Variants in MAF observed in about 807,000 individuals in gnomAD.
MAF encodes the protein transcription factor Maf.
In MAF, 10 loss-of-function variants were observed where a neutral mutation model predicts 22.0. That is an observed-to-expected ratio of 0.45 (90% CI 0.28 to 0.77). MAF has a LOEUF of 0.77. Among genes scored for constraint, MAF ranks in the 30% least tolerant of loss-of-function variants. MAF has a pLI of 0.12. For synonymous variants in MAF, 337 were observed against 255.8 expected, an observed-to-expected ratio of 1.32 and a Z score of -3.03; for missense variants, 544 against 548.4, an observed-to-expected ratio of 0.99 and a Z score of 0.08.
the MAF span, among the ~76,000 whole-genome samples, chr16:79,343,434 A>C: frequency 2.0e-5 from 3 of 152,212 alleles, no homozygotes; most frequent in South Asian, 6.2e-4. Context: ...ATTGAAACCC[A>C]CATCTGTGCA....
chr16:79,548,165 G>A, the MAF span, among the ~76,000 whole-genome samples: 1 of 151,900 alleles, frequency 6.6e-6, no homozygotes, highest in African/African-American at 2.4e-5. Flanking sequence ...TTGATTTATT[G>A]GTCAATTTCT....
At chr16:79,376,081 G>C in the MAF span, among the ~76,000 whole-genome samples, 1 of 150,468 alleles carries the variant, frequency 6.6e-6, no homozygotes, top group Non-Finnish European at 1.5e-5. Context: ...GAACAGTGAA[G>C]CAACAATTAT....
chr16:79,350,143 A>AT, the MAF span, among the ~76,000 whole-genome samples: 5 of 152,120 alleles, frequency 3.3e-5, no homozygotes, highest in Non-Finnish European at 7.4e-5. Context: ...TGTACAGATG[A>AT]TTTTTCATAT....
chr16:79,480,223 C>T, the MAF span, among the ~76,000 whole-genome samples: 22 of 152,050 alleles, frequency 1.4e-4, no homozygotes, highest in Non-Finnish European at 1.6e-4. Context: ...CCATGGCACA[C>T]GGAAAGGACT....
At chr16:79,227,498 C>T in the MAF span, among the ~76,000 whole-genome samples, 2 of 152,008 alleles carry the variant, frequency 1.3e-5, no homozygotes, top group African/African-American at 4.8e-5. Context: ...TGACATTCTG[C>T]CATGGTCGAG....
the MAF span, among the ~76,000 whole-genome samples, chr16:79,283,106 G>C: frequency 6.6e-6 from 1 of 152,162 alleles, no homozygotes; most frequent in Non-Finnish European, 1.5e-5. Context: ...TGTATCTCTG[G>C]TAACTGCAAC....
chr16:79,540,346 T>G, the MAF span, among the ~76,000 whole-genome samples: 6 of 151,992 alleles, frequency 3.9e-5, no homozygotes, highest in African/African-American at 1.5e-4. Flanking sequence ...CTGAAGTCCC[T>G]GCGCTCTGGT....
the MAF span, among the ~76,000 whole-genome samples, chr16:79,363,736 T>C: frequency 6.6e-6 from 1 of 152,034 alleles, no homozygotes; most frequent in South Asian, 2.1e-4. Flanking sequence ...GTGAATGGGG[T>C]CACTGGGGCA....
At chr16:79,388,491 A>G in the MAF span, among the ~76,000 whole-genome samples, 7 of 152,124 alleles carry the variant, frequency 4.6e-5, no homozygotes, top group Non-Finnish European at 1.0e-4. Context: ...ATTCTTTGCT[A>G]TTTTCTTTCT....
the MAF span, among the ~76,000 whole-genome samples, chr16:79,374,152 C>A: frequency 6.6e-6 from 1 of 152,202 alleles, no homozygotes; most frequent in African/African-American, 2.4e-5. Flanking sequence ...GACCCAAAGG[C>A]AATCCCGGTT....
At chr16:79,447,891 C>CAAAAAAAAAAAAAAAAAAAA in the MAF span, among the ~76,000 whole-genome samples, 11 of 72,550 alleles carry the variant, frequency 1.5e-4, no homozygotes, top group African/African-American at 4.6e-4. Context: ...GATTCCATCT[C>CAAAAAAAAAAAAAAAAAAAA]AAAAAAAAAA....
the MAF span, among the ~76,000 whole-genome samples, chr16:79,214,948 G>A: frequency 6.6e-6 from 1 of 151,758 alleles, no homozygotes; most frequent in East Asian, 1.9e-4. Context: ...GACCTCAGGT[G>A]ATCCACCCAC....
the MAF span, among the ~76,000 whole-genome samples, chr16:79,512,792 C>T: frequency 1.3e-5 from 2 of 152,134 alleles, no homozygotes; most frequent in Non-Finnish European, 2.9e-5. Flanking sequence ...TTCACTCTTC[C>T]AAGGGTTAAG....
At chr16:79,206,554 C>G in the MAF span, 2 of 152,170 alleles carry the variant, frequency 1.3e-5, no homozygotes, top group Non-Finnish European at 2.9e-5. Context: ...CAAATCGTAA[C>G]CTCTCAATAA....
chr16:79,460,654 C>A, the MAF span, among the ~76,000 whole-genome samples: 1 of 152,164 alleles, frequency 6.6e-6, no homozygotes. Flanking sequence ...CATTTAGAAT[C>A]TTGATTGAAG....
chr16:79,359,555 G>A, the MAF span, among the ~76,000 whole-genome samples: 1 of 152,210 alleles, frequency 6.6e-6, no homozygotes. Context: ...GAGGGACAAA[G>A]CCAGCCCCAA....
chr16:79,408,867 T>C, the MAF span, among the ~76,000 whole-genome samples: 1 of 152,120 alleles, frequency 6.6e-6, no homozygotes, highest in Non-Finnish European at 1.5e-5. Context: ...TGGGGGGTCA[T>C]ATAAGAAGCA....
the MAF span, among the ~76,000 whole-genome samples, chr16:79,364,288 C>T: frequency 6.6e-6 from 1 of 152,112 alleles, no homozygotes; most frequent in African/African-American, 2.4e-5. Flanking sequence ...TAGGGAAGGA[C>T]CAGTGACACA....
chr16:79,547,081 T>C, the MAF span, among the ~76,000 whole-genome samples: 1 of 152,150 alleles, frequency 6.6e-6, no homozygotes, highest in Non-Finnish European at 1.5e-5. Flanking sequence ...GAAAAGTTCC[T>C]TTCTGAAATC....
Sources: allele counts gnomAD v4.1 joint callset (sites outside exome capture counted in the v4.1 genomes callset), GRCh38; gene constraint gnomAD v4.1.1; transcripts MANE v1.5; gene names NCBI Gene and HGNC (gene_info 2026-07-23, HGNC 2026-07-21).